NDUFAB1: variants seen among roughly 807,000 people sequenced by gnomAD.
NDUFAB1 encodes the protein acyl carrier protein, mitochondrial.
In NDUFAB1, 5 loss-of-function variants were observed where a neutral mutation model predicts 16.1. The ratio of observed to expected loss-of-function variants is 0.31; its 90% CI spans 0.16 to 0.65. The LOEUF (loss-of-function observed/expected upper bound fraction) is 0.65. NDUFAB1 is among the 30% of genes least tolerant of loss of function. The pLI, the probability that NDUFAB1 is intolerant of heterozygous loss-of-function variation, is 0.77. For missense variants in NDUFAB1, 187 were observed against 205.3 expected, an observed-to-expected ratio of 0.91 and a Z score of 0.54; for synonymous variants, 85 against 78.4, an observed-to-expected ratio of 1.08 and a Z score of -0.44.
At position 23,587,339 on chromosome 16, in the gene NDUFAB1, G is replaced by A. The variant is rs1227223872; in HGVS notation, c.169-20C>T. 4 of 1,611,388 alleles carry A rather than the reference G, an allele frequency of 2.5e-6. No individual in the cohort carries two copies. The highest frequency in any genetic ancestry group is 1.7e-6 in the Non-Finnish European group (2 of 1,179,018). On this transcript the variant is annotated intron_variant, in intron 1 of 4. Coordinates refer to ENST00000007516, the MANE Select transcript of NDUFAB1 (RefSeq NM_005003.3). Reference sequence around the variant, plus strand: ...AGGAACCTAGAGCGACGGCAGGAAGGAAACACTGTCATTGAATGGAAAATA... The same window carrying A: ...AGGAACCTAGAGCGACGGCAGGAAGAAAACACTGTCATTGAATGGAAAATA...
At chr16:23,588,151 T>C (rs1597054655) in intron 1 of NDUFAB1, among the ~76,000 whole-genome samples, 2 of 152,244 alleles carry the variant, frequency 1.3e-5, no homozygotes, top group South Asian at 4.1e-4. Flanking sequence ...GCAGTTTTGC[T>C]CACTACTGAA....
At chr16:23,582,699 C>T (rs1343841116) in intron 3 of NDUFAB1, among the ~76,000 whole-genome samples, 1 of 146,742 alleles carries the variant, frequency 6.8e-6, no homozygotes, top group Non-Finnish European at 1.5e-5. Context: ...GTAAAAGAAA[C>T]CCAGCTCCCT....
In NDUFAB1 at chr16:23,582,718, CCCCACGGTCTCCCTCTCCCTCTCCCTCTT is replaced by C. The variant is rs1490600837; in HGVS notation, c.380-372_380-344del. The stretch of plus-strand genomic sequence containing the variant: ...AAGAAACCCAGCTCCCTCTCCCTCT[CCCCACGGTCTCCCTCTCCCTCTCCCTCTT>C]CCCACGGTCTCCCTCTCCCTCTCCC... On this transcript the variant is annotated intron_variant, in intron 3 of 4. Coordinates refer to ENST00000007516, the MANE Select transcript of NDUFAB1 (RefSeq NM_005003.3). Among the ~76,000 whole-genome samples the C allele has an allele frequency of 4.7e-4, 71 of 151,016 alleles. 1 individual carries two copies. The highest frequency in any genetic ancestry group is 3.4e-3 in the Middle Eastern group (1 of 294).
chr16:23,584,255 T>C (rs394133), intron 3 of NDUFAB1, among the ~76,000 whole-genome samples: 1 of 34,064 alleles, frequency 2.9e-5, no homozygotes, highest in South Asian at 1.1e-3. Flanking sequence ...AATGATCAAT[T>C]AAAAAAAAAA....
At chr16:23,587,129 T>C (rs1385575085) in intron 2 of NDUFAB1, 68 bp downstream of exon 2, 2 of 1,489,466 alleles carry the variant, frequency 1.3e-6, no homozygotes. Flanking sequence ...ATCTTTCCCT[T>C]TGCATTTTCT....
intron 1 of NDUFAB1, among the ~76,000 whole-genome samples, chr16:23,592,001 C>CT (rs1966284333): frequency 2.0e-5 from 3 of 152,148 alleles, no homozygotes; most frequent in Admixed American, 2.0e-4. Flanking sequence ...AAAGACCAAT[C>CT]CACAGATCAT....
intron 1 of NDUFAB1, among the ~76,000 whole-genome samples, chr16:23,592,621 C>T (rs1287285516): frequency 6.6e-6 from 1 of 152,200 alleles, no homozygotes; most frequent in Non-Finnish European, 1.5e-5. Context: ...ATCTGCTAGA[C>T]AGTGTAGATT....
At chr16:23,587,376 A>G in intron 1 of NDUFAB1, 57 bp from the exon 2 acceptor site, 4 of 1,596,946 alleles carry the variant, frequency 2.5e-6, no homozygotes, top group Non-Finnish European at 3.4e-6. Context: ...CTCTAAATCA[A>G]TGCACAAGCC....
At chr16:23,595,537 G>T (rs1181352048) in intron 1 of NDUFAB1, 3 of 454,534 alleles carry the variant, frequency 6.6e-6, no homozygotes, top group Admixed American at 2.4e-5. Context: ...AAAAAAATCC[G>T]CATATAAGTG....
At chr16:23,587,489 C>T (rs543258014) in intron 1 of NDUFAB1, among the ~76,000 whole-genome samples, 170 bp from the exon 2 acceptor site, 1 of 152,334 alleles carries the variant, frequency 6.6e-6, no homozygotes, top group African/African-American at 2.4e-5. Flanking sequence ...TGGGTAATCG[C>T]AGAAGCCCCA....
At chr16:23,582,902 A>G (rs1271050566) in intron 3 of NDUFAB1, among the ~76,000 whole-genome samples, 1 of 150,964 alleles carries the variant, frequency 6.6e-6, no homozygotes, top group Non-Finnish European at 1.5e-5. Flanking sequence ...ATCTCTGCTC[A>G]CTGCAACCTC....
chr16:23,585,265 C>A (rs1441977298), intron 3 of NDUFAB1, 71 bp downstream of exon 3: 6 of 1,123,036 alleles, frequency 5.3e-6, no homozygotes, highest in African/African-American at 3.1e-5. Context: ...AATTCAGACG[C>A]CCACCACTTC....
intron 1 of NDUFAB1, among the ~76,000 whole-genome samples, 168 bp from the exon 2 acceptor site, chr16:23,587,487 C>T (rs896410031): frequency 2.4e-4 from 37 of 152,206 alleles, no homozygotes; most frequent in Non-Finnish European, 3.7e-4. Flanking sequence ...ACTGGGTAAT[C>T]GCAGAAGCCC....
chr16:23,582,752 CGGTCTCCCTCTCCCTCTCCCTCTCCCCAA>C (rs1168174155), intron 3 of NDUFAB1, among the ~76,000 whole-genome samples: 20 of 147,150 alleles, frequency 1.4e-4, no homozygotes, highest in African/African-American at 2.7e-4. Context: ...CCTCTTCCCA[CGGTCTCCCTCTCCCTCTCCCTCTCCCCAA>C]GGTCTCCCTC....
In NDUFAB1 at chr16:23,587,338, G is replaced by A; in HGVS notation, c.169-19C>T. ...CAGGAACCTAGAGCGACGGCAGGAA[G>A]GAAACACTGTCATTGAATGGAAAAT... On this transcript the variant is annotated intron_variant, in intron 1 of 4. Transcript: ENST00000007516. 6.2e-7 allele frequency: 1 copy of A among 1,611,298 alleles called. No homozygotes were observed. The highest frequency in any genetic ancestry group is 1.1e-5 in the South Asian group (1 of 90,496).
intron 2 of NDUFAB1, 34 bp downstream of exon 2, chr16:23,587,163 T>G: frequency 6.3e-7 from 1 of 1,593,442 alleles, no homozygotes; most frequent in Non-Finnish European, 8.6e-7. Flanking sequence ...ATACTCTATA[T>G]TTAAAGAAAA....
Position 23,596,292 on chromosome 16 carries a change from G to C in NDUFAB1, c.-2C>G. The C allele has an allele frequency of 6.4e-7, 1 of 1,555,162 alleles. No individual in the cohort carries two copies. On this transcript the variant is annotated 5_prime_UTR_variant, in exon 1 of 5. Coordinates refer to ENST00000007516, the MANE Select transcript of NDUFAB1 (RefSeq NM_005003.3). The stretch of plus-strand genomic sequence containing the variant: ...GGCTGAAAGGACACGAGACGCCATG[G>C]CTACGCCAACCCAGGATGCACTGCG...
intron 1 of NDUFAB1, chr16:23,590,875 G>A (rs572321719): frequency 6.6e-6 from 1 of 152,268 alleles, no homozygotes; most frequent in Admixed American, 6.5e-5. Flanking sequence ...GGTCTCAAGT[G>A]ATCCACTCAC....
At chr16:23,585,298 C>A (rs199613385) in intron 3 of NDUFAB1, 38 bp downstream of exon 3, 7 of 1,445,296 alleles carry the variant, frequency 4.8e-6, no homozygotes, top group South Asian at 2.3e-5. Flanking sequence ...CCACCTTAAT[C>A]AAAAATCGCA....
Sources: allele counts gnomAD v4.1 joint callset (sites outside exome capture counted in the v4.1 genomes callset), GRCh38; gene constraint gnomAD v4.1.1; transcripts MANE v1.5; gene names NCBI Gene and HGNC (gene_info 2026-07-23, HGNC 2026-07-21).